Variants in MEIOSIN observed in about 807,000 individuals in gnomAD.
MEIOSIN encodes the protein meiosis initiator.
A neutral mutation model predicts 23.4 loss-of-function variants in MEIOSIN; 18 were observed. The observed-to-expected ratio is 0.77, with a 90% CI of 0.53 to 1.14. MEIOSIN has a LOEUF of 1.14. Among genes scored for constraint, MEIOSIN ranks in the 50% most tolerant of loss-of-function variants. The pLI, the probability that MEIOSIN is intolerant of heterozygous loss-of-function variation, is 0.00. For synonymous variants in MEIOSIN, 187 were observed against 100.6 expected, an observed-to-expected ratio of 1.86 and a Z score of -5.14; for missense variants, 428 against 242.9, an observed-to-expected ratio of 1.76 and a Z score of -5.07.
At chr19:45,740,203 T>C (rs1454920404) in intron 3 of MEIOSIN, among the ~76,000 whole-genome samples, 1 of 152,172 alleles carries the variant, frequency 6.6e-6, no homozygotes, top group Non-Finnish European at 1.5e-5. Context: ...CCAGGCACTA[T>C]ACGAAACACC....
chr19:45,763,314 A>T (rs914838289), intron 13 of MEIOSIN, 24 bp from the exon 14 acceptor site: 1 of 398,268 alleles, frequency 2.5e-6, no homozygotes, highest in African/African-American at 2.1e-5. Flanking sequence ...ACCTCTCCTT[A>T]CCTCCTCCTC....
At chr19:45,745,125 G>T in intron 3 of MEIOSIN, 67 bp from the exon 4 acceptor site, 2 of 699,602 alleles carry the variant, frequency 2.9e-6, no homozygotes, top group Non-Finnish European at 5.2e-6. Flanking sequence ...CAGACAGGAG[G>T]TTTGCGGGTT....
chr19:45,742,581 CA>C (rs1346362490), intron 3 of MEIOSIN, among the ~76,000 whole-genome samples: 5 of 151,946 alleles, frequency 3.3e-5, no homozygotes, highest in African/African-American at 1.2e-4. Flanking sequence ...AGATTGAGAC[CA>C]TCCTGGCTAA....
chr19:45,736,330 C>T (rs1026232897), intron 2 of MEIOSIN, among the ~76,000 whole-genome samples: 1 of 152,082 alleles, frequency 6.6e-6, no homozygotes, highest in Non-Finnish European at 1.5e-5. Context: ...TACTAAGCCA[C>T]CACGCCCAAC....
At chr19:45,743,077 G>A (rs546772086) in intron 3 of MEIOSIN, among the ~76,000 whole-genome samples, 26 of 152,258 alleles carry the variant, frequency 1.7e-4, no homozygotes, top group African/African-American at 4.3e-4. Context: ...CCCTGAGAGC[G>A]GAGCCCAGGT....
intron 4 of MEIOSIN, among the ~76,000 whole-genome samples, chr19:45,749,244 C>A (rs901538638): frequency 6.6e-6 from 1 of 151,646 alleles, no homozygotes; most frequent in Non-Finnish European, 1.5e-5. Context: ...TGGTGGCATG[C>A]GCCTGTAGTC....
At chr19:45,742,910 G>T (rs1316478070) in intron 3 of MEIOSIN, among the ~76,000 whole-genome samples, 1 of 152,128 alleles carries the variant, frequency 6.6e-6, no homozygotes, top group Admixed American at 6.6e-5. Context: ...GAAAACCTAT[G>T]TGACTGGAGC....
At chr19:45,739,505 A>G (rs997164275) in intron 2 of MEIOSIN, 121 bp from the exon 3 acceptor site, 1 of 652,180 alleles carries the variant, frequency 1.5e-6, no homozygotes, top group Non-Finnish European at 2.8e-6. Context: ...CCAGGTCTAT[A>G]TCTTGCCAAC....
In MEIOSIN at chr19:45,754,490, C is replaced by T. The variant is rs1022453615; in HGVS notation, c.568C>T (p.Arg190Trp). 14 of 702,406 alleles carry T rather than the reference C, an allele frequency of 2.0e-5. No homozygotes were observed. The African/African-American group carries it at 2.1e-4, about 11-fold the overall frequency. The allele number at this position is 702,406 out of a possible 1,614,324, so 43.5% of individuals were successfully genotyped here. A position where few individuals can be genotyped will look rare whatever the true frequency, so the allele number is the denominator to read the frequency against. ...CTCTGCTCCCCCAGAAAGCCAGACT[C>T]GGACCCCGAAGCCTCGCCGCTCTCT... is the stretch of plus-strand genomic sequence containing the variant. Reference protein sequence around the residue: ...KLTQASESQTRTPKPRRSLAL... With the variant: ...KLTQASESQTWTPKPRRSLAL... The change falls in exon 7 of 15, where the codon CGG (arginine) becomes TGG (tryptophan). Residue 190 changes from arginine (R) to tryptophan (W), a missense_variant. Arg to Trp is a moderately radical substitution (Grantham distance 101). Transcript: ENST00000457052.
At position 45,764,535 on chromosome 19, in the gene MEIOSIN, C is replaced by G. The variant is rs570830170; in HGVS notation, c.*417C>G. 6.4e-6 allele frequency: 1 copy of G among 155,868 alleles called. No homozygotes were observed. Among genetic ancestry groups the G allele is most frequent in the African/African-American group, 2.4e-5 (1 of 41,716 alleles). 9.7% of individuals were successfully genotyped at this position (155,868 alleles called of 1,614,324 possible). ...AATAAAGCAAGTGGAACCTTTGTTA[C>G]CAGCAAGAGAGACAAGGGCAGGCCC... On this transcript the variant is annotated 3_prime_UTR_variant, in exon 15 of 15. Coordinates refer to ENST00000457052, the MANE Select transcript of MEIOSIN (RefSeq NM_001310124.2).
At chr19:45,739,877 T>G (rs1370854631) in intron 3 of MEIOSIN, 147 bp downstream of exon 3, 1 of 608,014 alleles carries the variant, frequency 1.6e-6, no homozygotes, top group African/African-American at 1.8e-5. Flanking sequence ...GACAGAGCTT[T>G]GCTCTTGTTG....
chr19:45,752,526 G>GT (rs1454049874), intron 5 of MEIOSIN, among the ~76,000 whole-genome samples: 1 of 151,900 alleles, frequency 6.6e-6, no homozygotes, highest in Non-Finnish European at 1.5e-5. Flanking sequence ...ATTTTTGTTT[G>GT]TTTTTTTGTA....
chr19:45,744,251 C>G (rs1968553004), intron 3 of MEIOSIN, among the ~76,000 whole-genome samples: 1 of 151,954 alleles, frequency 6.6e-6, no homozygotes, highest in Non-Finnish European at 1.5e-5. Flanking sequence ...AACTCCTGAC[C>G]TCAAGTGATC....
intron 3 of MEIOSIN, among the ~76,000 whole-genome samples, chr19:45,740,424 G>A (rs766657291): frequency 6.6e-6 from 1 of 152,074 alleles, no homozygotes; most frequent in African/African-American, 2.4e-5. Context: ...CCACTTTGGG[G>A]CAGCTCTTAC....
chr19:45,763,732 G>A (rs940334706), intron 14 of MEIOSIN, among the ~76,000 whole-genome samples: 1 of 152,042 alleles, frequency 6.6e-6, no homozygotes, highest in East Asian at 1.9e-4. Context: ...CGACTCCCCC[G>A]AATCCTGTCC....
intron 2 of MEIOSIN, among the ~76,000 whole-genome samples, chr19:45,738,784 C>A (rs975631102): frequency 4.6e-5 from 7 of 152,142 alleles, no homozygotes; most frequent in African/African-American, 1.7e-4. Context: ...TGTTTAGGTT[C>A]TCTACCTAGA....
At chr19:45,746,787 CCCCAG>C (rs1968603397) in intron 4 of MEIOSIN, among the ~76,000 whole-genome samples, 1 of 151,528 alleles carries the variant, frequency 6.6e-6, no homozygotes, top group South Asian at 2.1e-4. Context: ...CGCCATTGCA[CCCCAG>C]CCTAGGCAAC....
intron 3 of MEIOSIN, among the ~76,000 whole-genome samples, chr19:45,740,413 C>T (rs1968481430): frequency 6.6e-6 from 1 of 152,124 alleles, no homozygotes. Flanking sequence ...CCTGCTTTGT[C>T]CCACTTTGGG....
At chr19:45,737,589 C>T (rs1157107784) in intron 2 of MEIOSIN, among the ~76,000 whole-genome samples, 2 of 151,680 alleles carry the variant, frequency 1.3e-5, no homozygotes, top group African/African-American at 2.4e-5. Flanking sequence ...CATCAGCCTC[C>T]CAAGTATGCA....
Sources: gnomAD v4.1 joint callset for allele counts (sites outside exome capture counted in the v4.1 genomes callset) on GRCh38, gnomAD v4.1.1 for gene constraint, MANE v1.5 for transcripts, NCBI Gene and HGNC (gene_info 2026-07-23, HGNC 2026-07-21) for gene names.